The following ROBO2 variants were observed in gnomAD, a reference collection of about 807,000 sequenced individuals.
The protein encoded by ROBO2 is roundabout guidance receptor 2.
Under a neutral mutation model 160.8 loss-of-function variants are expected in ROBO2, and 53 were observed. That is an observed-to-expected ratio of 0.33 (90% CI 0.26 to 0.41). The LOEUF is 0.41. Among genes scored for constraint, ROBO2 ranks in the 10% least tolerant of loss-of-function variants. The pLI, the probability that ROBO2 is intolerant of heterozygous loss-of-function variation, is 1.00. For synonymous variants in ROBO2, 664 were observed against 611.7 expected (o/e 1.09, Z -1.26); for missense variants, 1,577 against 1,722.4 (o/e 0.92, Z 1.49).
chr3:77,466,019 A>G (rs1346825332), intron 2 of ROBO2, among the ~76,000 whole-genome samples: 1 of 152,194 alleles, frequency 6.6e-6, no homozygotes, highest in Non-Finnish European at 1.5e-5. Context: ...TAGATGGGTA[A>G]TGAGATTGCT....
chr3:76,525,211 A>AAGAGAGT (rs1432375267), intron 2 of ROBO2, among the ~76,000 whole-genome samples: 1 of 151,882 alleles, frequency 6.6e-6, no homozygotes, highest in Non-Finnish European at 1.5e-5. Flanking sequence ...AAAAAGAGGA[A>AAGAGAGT]AGAGAGTAAG....
intron 2 of ROBO2, among the ~76,000 whole-genome samples, chr3:76,418,011 G>A (rs2075822916): frequency 6.6e-6 from 1 of 151,924 alleles, no homozygotes; most frequent in South Asian, 2.1e-4. Flanking sequence ...ACAGTCTCCT[G>A]AGGAGATAAA....
At chr3:76,050,596 A>G (rs1332474851) in intron 2 of ROBO2, among the ~76,000 whole-genome samples, 3 of 152,140 alleles carry the variant, frequency 2.0e-5, no homozygotes, top group South Asian at 2.1e-4. Flanking sequence ...AAGGTTATAA[A>G]TACCACCCAC....
chr3:76,878,655 G>C (rs768943023), intron 2 of ROBO2, among the ~76,000 whole-genome samples: 1 of 151,976 alleles, frequency 6.6e-6, no homozygotes, highest in Non-Finnish European at 1.5e-5. Flanking sequence ...TTCTTTTCTC[G>C]TTTATTCAAT....
At chr3:76,175,984 TTTC>T (rs1312023501) in intron 2 of ROBO2, among the ~76,000 whole-genome samples, 1 of 152,114 alleles carries the variant, frequency 6.6e-6, no homozygotes, top group Non-Finnish European at 1.5e-5. Flanking sequence ...TTTATTTTTT[TTTC>T]TTCTTTATAG....
chr3:77,003,423 C>T (rs1465146600), intron 2 of ROBO2, among the ~76,000 whole-genome samples: 1 of 152,218 alleles, frequency 6.6e-6, no homozygotes, highest in Non-Finnish European at 1.5e-5. Context: ...GTGTGTTGTA[C>T]ATACTCAGTG....
chr3:76,112,288 G>C (rs145654564), intron 2 of ROBO2, among the ~76,000 whole-genome samples: 6 of 151,962 alleles, frequency 3.9e-5, no homozygotes, highest in African/African-American at 1.4e-4. Flanking sequence ...TTTGATTTAG[G>C]AGTTTGGCAA....
chr3:76,206,475 T>A (rs1229016949), intron 2 of ROBO2, among the ~76,000 whole-genome samples: 1 of 152,146 alleles, frequency 6.6e-6, no homozygotes, highest in Non-Finnish European at 1.5e-5. Flanking sequence ...ATTTCCCTTA[T>A]CAAGTGCTCT....
chr3:75,915,745 G>C (rs1342179789), intron 1 of ROBO2, among the ~76,000 whole-genome samples: 1 of 152,148 alleles, frequency 6.6e-6, no homozygotes, highest in Non-Finnish European at 1.5e-5. Context: ...AGAAGAGTGG[G>C]TGATGTTGCT....
chr3:77,524,484 A>G (rs2090939286), intron 6 of ROBO2, among the ~76,000 whole-genome samples: 1 of 151,370 alleles, frequency 6.6e-6, no homozygotes, highest in Admixed American at 6.6e-5. Flanking sequence ...AGTAAATGGA[A>G]AATAATAATA....
At chr3:77,132,732 C>T (rs987652107) in intron 2 of ROBO2, among the ~76,000 whole-genome samples, 2 of 150,546 alleles carry the variant, frequency 1.3e-5, no homozygotes, top group African/African-American at 2.4e-5. Flanking sequence ...TCTTTATTCT[C>T]TAGAGTGTGA....
chr3:76,773,598 A>C (rs1343930101), intron 2 of ROBO2, among the ~76,000 whole-genome samples: 2 of 150,712 alleles, frequency 1.3e-5, no homozygotes, highest in Non-Finnish European at 3.0e-5. Flanking sequence ...ATTTTGCAGC[A>C]TAGTAAAACA....
chr3:77,577,367 T>C, intron 14 of ROBO2, 123 bp from the exon 16 acceptor site: 1 of 1,137,844 alleles, frequency 8.8e-7, no homozygotes, highest in South Asian at 1.3e-5. Flanking sequence ...GAACACCGTG[T>C]GCATTCAGAA....
At chr3:76,522,684 C>T (rs919812197) in intron 2 of ROBO2, among the ~76,000 whole-genome samples, 7 of 152,000 alleles carry the variant, frequency 4.6e-5, no homozygotes, top group Admixed American at 2.6e-4. Flanking sequence ...GATTTATCTC[C>T]GTTTTGCTAT....
intron 2 of ROBO2, among the ~76,000 whole-genome samples, chr3:77,321,098 T>G (rs2064642493): frequency 6.6e-6 from 1 of 152,214 alleles, no homozygotes; most frequent in Non-Finnish European, 1.5e-5. Context: ...CGGAGTTAAC[T>G]CAAGCGGTTA....
chr3:76,360,127 C>T (rs3935555), intron 2 of ROBO2, among the ~76,000 whole-genome samples: 8,008 of 152,102 alleles, frequency 0.053, 550 homozygotes, highest in African/African-American at 0.15. Flanking sequence ...GAGAAACTAA[C>T]TACTTTGCTC....
chr3:77,307,511 C>T (rs532193568), intron 2 of ROBO2, among the ~76,000 whole-genome samples: 16 of 152,284 alleles, frequency 1.1e-4, no homozygotes, highest in African/African-American at 3.9e-4. Flanking sequence ...CTACTGACAG[C>T]CTTCCCCAGG....
intron 2 of ROBO2, among the ~76,000 whole-genome samples, chr3:76,297,967 T>C (rs1446896560): frequency 2.0e-5 from 3 of 152,118 alleles, no homozygotes; most frequent in African/African-American, 7.2e-5. Context: ...AGAGACAACA[T>C]TGTGAAAGAT....
chr3:76,335,412 C>T (rs2108084690), intron 2 of ROBO2, among the ~76,000 whole-genome samples: 1 of 151,752 alleles, frequency 6.6e-6, no homozygotes, highest in African/African-American at 2.4e-5. Context: ...GAACTCCTGA[C>T]CTCAAGTGAT....
Sources: allele counts gnomAD v4.1 joint callset (sites outside exome capture counted in the v4.1 genomes callset), GRCh38; gene constraint gnomAD v4.1.1; transcripts MANE v1.5; gene names NCBI Gene and HGNC (gene_info 2026-07-23, HGNC 2026-07-21).